The following IGSF10 variants were observed in gnomAD, a reference collection of about 807,000 sequenced individuals.
IGSF10 encodes the protein immunoglobulin superfamily member 10, also known as calvaria mechanical force protein 608.
A neutral mutation model predicts 128.2 loss-of-function variants in IGSF10; 126 were observed. The ratio of observed to expected loss-of-function variants is 0.98; its 90% CI spans 0.85 to 1.14. The LOEUF (loss-of-function observed/expected upper bound fraction) is 1.14. Ranked by LOEUF, IGSF10 falls within the 50% of genes most tolerant of loss-of-function variation. The probability of loss-of-function intolerance (pLI) is 0.00; values close to 1 mark genes in which losing one functional copy is unlikely to be tolerated. For missense variants in IGSF10, 3,295 were observed against 3,149.8 expected (o/e 1.05, Z -1.10); for synonymous variants, 1,185 against 1,146.2 (o/e 1.03, Z -0.68).
chr3:151,543,150 G>A, the IGSF10 span, among the ~76,000 whole-genome samples: 1 of 152,124 alleles, frequency 6.6e-6, no homozygotes, highest in African/African-American at 2.4e-5. Flanking sequence ...CGTAGTCAAG[G>A]AGACTAAGTC....
chr3:151,525,846 G>T, the IGSF10 span, among the ~76,000 whole-genome samples: 1,936 of 152,244 alleles, frequency 0.013, 14 homozygotes, highest in South Asian at 0.031. Context: ...ATTGATTTGA[G>T]ACTTCATTAC....
chr3:151,484,536 C>T, the IGSF10 span, among the ~76,000 whole-genome samples: 5 of 152,222 alleles, frequency 3.3e-5, no homozygotes, highest in East Asian at 7.8e-4. Context: ...CAACAGACAC[C>T]TCATACAGGA....
the IGSF10 span, among the ~76,000 whole-genome samples, chr3:151,546,888 A>G: frequency 6.6e-6 from 1 of 152,096 alleles, no homozygotes; most frequent in Non-Finnish European, 1.5e-5. Context: ...ATCCTGCCTC[A>G]GCCTCCTGAG....
Position 151,450,403 on chromosome 3 carries a change from C to A in IGSF10, c.716-1138G>T, listed in dbSNP as rs1234063506. Among the ~76,000 whole-genome samples the A allele has an allele frequency of 3.3e-5, 5 of 152,226 alleles. No homozygotes were observed. In the East Asian group the frequency reaches 9.7e-4, roughly 29 times the overall value. On this transcript the variant is annotated intron_variant, in intron 5 of 7. Coordinates refer to ENST00000282466, the MANE Select transcript of IGSF10 (RefSeq NM_178822.5). ...AGAGTGGCTAGATAGGGTCAAATCT[C>A]CTTCCCATGTGTGCACATGTCCTCT... is the stretch of plus-strand genomic sequence containing the variant.
At chr3:151,549,323 C>T in the IGSF10 span, among the ~76,000 whole-genome samples, 1 of 152,128 alleles carries the variant, frequency 6.6e-6, no homozygotes, top group Non-Finnish European at 1.5e-5. Context: ...TGTCTACCAG[C>T]CCAGAGATCC....
chr3:151,607,683 G>A, the IGSF10 span, among the ~76,000 whole-genome samples: 10 of 151,888 alleles, frequency 6.6e-5, no homozygotes, highest in South Asian at 2.1e-4. Context: ...AGGCTGAGGC[G>A]GGCGGATCAC....
the IGSF10 span, among the ~76,000 whole-genome samples, chr3:151,602,263 CTTTATGCA>C: frequency 6.6e-6 from 1 of 152,072 alleles, no homozygotes; most frequent in African/African-American, 2.4e-5. Context: ...TTGGATAATC[CTTTATGCA>C]TTTAAAAATA....
chr3:151,607,867 C>T, the IGSF10 span, among the ~76,000 whole-genome samples: 4 of 125,322 alleles, frequency 3.2e-5, no homozygotes, highest in South Asian at 2.7e-4. Context: ...GCTGAGATTG[C>T]GCCACTGCAC....
chr3:151,502,144 A>G, the IGSF10 span, among the ~76,000 whole-genome samples: 3 of 152,208 alleles, frequency 2.0e-5, no homozygotes, highest in East Asian at 5.8e-4. Context: ...CCACGTTTCT[A>G]CGGAACCAAG....
At chr3:151,506,639 T>C in the IGSF10 span, among the ~76,000 whole-genome samples, 2 of 152,182 alleles carry the variant, frequency 1.3e-5, no homozygotes, top group Non-Finnish European at 2.9e-5. Flanking sequence ...TTTGATCAAA[T>C]GTAGGCCTAA....
chr3:151,496,577 A>C, the IGSF10 span, among the ~76,000 whole-genome samples: 163 of 50,580 alleles, frequency 3.2e-3, 2 homozygotes, highest in African/African-American at 0.016. Flanking sequence ...CCAGTCTATC[A>C]TTGTTGGACA....
In IGSF10 at chr3:151,445,676, T is replaced by G; in HGVS notation, c.4305A>C (p.Thr1435=). 6.2e-7 allele frequency: 1 copy of G among 1,614,242 alleles called. No individual in the cohort carries two copies. Among genetic ancestry groups the G allele is most frequent in the Non-Finnish European group, 8.5e-7 (1 of 1,180,036 alleles). Residue 1435 remains threonine, a synonymous_variant, in exon 6 of 8, where the codon ACA becomes ACC. Coordinates refer to ENST00000282466, the MANE Select transcript of IGSF10 (RefSeq NM_178822.5). ...AQASTQTLKS[T]IASETTLSSK... is the part of the protein sequence containing the mutation. ...TGGACAAAGTTGTTTCAGAAGCAAT[T>G]GTGCTCTTCAAAGTCTGAGTACTTG...
the IGSF10 span, among the ~76,000 whole-genome samples, chr3:151,529,760 C>T: frequency 6.1e-4 from 93 of 152,134 alleles, no homozygotes; most frequent in African/African-American, 2.1e-3. Context: ...GAGAAACCAG[C>T]GCAAAAAGGC....
the IGSF10 span, among the ~76,000 whole-genome samples, chr3:151,502,512 C>T: frequency 8.4e-4 from 127 of 152,084 alleles, no homozygotes; most frequent in Non-Finnish European, 1.6e-3. Flanking sequence ...ATAGATTTTG[C>T]CACAGCTGCT....
chr3:151,437,745 C>T lies in IGSF10; in HGVS notation c.6816G>A (p.Met2272Ile). 6.2e-7 allele frequency: 1 copy of T among 1,614,038 alleles called. No individual in the cohort carries two copies. The highest frequency in any genetic ancestry group is 8.5e-7 in the Non-Finnish European group (1 of 1,179,978). ...RAEGTPSPEV[M>I]WIMPDNIFLT... is the part of the protein sequence containing the mutation. ...GGAAAATATTGTCTGGCATGATCCA[C>T]ATGACTTCAGGAGATGGTGTCCCTT... The change falls in exon 8 of 8, where the codon ATG becomes ATA. Residue 2272 changes from methionine (M) to isoleucine (I), a missense_variant. By Grantham distance (10) the Met-to-Ile change is conservative. Coordinates refer to ENST00000282466, the MANE Select transcript of IGSF10 (RefSeq NM_178822.5).
the IGSF10 span, among the ~76,000 whole-genome samples, chr3:151,470,360 G>A: frequency 6.6e-6 from 1 of 152,166 alleles, no homozygotes; most frequent in African/African-American, 2.4e-5. Context: ...CAACTAAGAG[G>A]ATAACAGCTA....
At chr3:151,506,539 T>C in the IGSF10 span, among the ~76,000 whole-genome samples, 1 of 152,184 alleles carries the variant, frequency 6.6e-6, no homozygotes, top group Non-Finnish European at 1.5e-5. Context: ...TCTTTTAAAT[T>C]TATATAAGAG....
the IGSF10 span, among the ~76,000 whole-genome samples, chr3:151,492,144 C>T: frequency 6.6e-6 from 1 of 152,104 alleles, no homozygotes; most frequent in East Asian, 1.9e-4. Context: ...TTATAAAGAA[C>T]TCTTGTAACT....
Position 151,454,986 on chromosome 3 carries a change from A to T in IGSF10, c.325-1212T>A, listed in dbSNP as rs1437325309. Among the ~76,000 whole-genome samples, 3 of 152,200 alleles carry T rather than the reference A, an allele frequency of 2.0e-5. No individual in the cohort carries two copies. In the East Asian group the frequency reaches 5.8e-4, roughly 29 times the overall value. On this transcript the variant is annotated intron_variant, in intron 4 of 7. Coordinates refer to ENST00000282466, the MANE Select transcript of IGSF10 (RefSeq NM_178822.5). ...GCACCACCGCACTCCAGCCTGGGTGACAGAGCAAGATTCTGTCTCAAAAAA... is the reference window on the plus strand; with the variant it reads ...GCACCACCGCACTCCAGCCTGGGTGTCAGAGCAAGATTCTGTCTCAAAAAA...
Sources: allele counts gnomAD v4.1 joint callset (sites outside exome capture counted in the v4.1 genomes callset), GRCh38; gene constraint gnomAD v4.1.1; transcripts MANE v1.5; gene names NCBI Gene and HGNC (gene_info 2026-07-23, HGNC 2026-07-21).